ROBO2: variants seen among roughly 807,000 people sequenced by gnomAD.
ROBO2 encodes roundabout homolog 2.
A neutral mutation model predicts 160.8 loss-of-function variants in ROBO2; 53 were observed. The ratio of observed to expected loss-of-function variants is 0.33; its 90% CI spans 0.26 to 0.41. The LOEUF is 0.41. ROBO2 is among the 10% of genes least tolerant of loss of function. The pLI, the probability that ROBO2 is intolerant of heterozygous loss-of-function variation, is 1.00. For missense variants in ROBO2, 1,577 were observed against 1,722.4 expected, an observed-to-expected ratio of 0.92 and a Z score of 1.49; for synonymous variants, 664 against 611.7, an observed-to-expected ratio of 1.09 and a Z score of -1.26.
At chr3:77,121,005 C>T (rs1290442450) in intron 2 of ROBO2, among the ~76,000 whole-genome samples, 5 of 151,946 alleles carry the variant, frequency 3.3e-5, no homozygotes, top group East Asian at 1.9e-4. Context: ...AGTACTGTGG[C>T]GCGATCTGGG....
intron 2 of ROBO2, among the ~76,000 whole-genome samples, chr3:77,407,802 C>T (rs1039187237): frequency 6.6e-6 from 1 of 152,088 alleles, no homozygotes; most frequent in Non-Finnish European, 1.5e-5. Flanking sequence ...TTAAATAGGA[C>T]TTTCCATGGA....
chr3:77,308,464 G>A (rs1168718924), intron 2 of ROBO2, among the ~76,000 whole-genome samples: 10 of 152,260 alleles, frequency 6.6e-5, no homozygotes, highest in South Asian at 4.1e-4. Context: ...GACTCCCAAC[G>A]TTGTGTCAGT....
intron 2 of ROBO2, among the ~76,000 whole-genome samples, chr3:76,453,860 G>T (rs1264040062): frequency 6.6e-6 from 1 of 152,040 alleles, no homozygotes; most frequent in Non-Finnish European, 1.5e-5. Context: ...ATTAAAGCTT[G>T]ATTCCTGAAC....
chr3:77,332,794 CAA>C (rs1242845637), intron 2 of ROBO2, among the ~76,000 whole-genome samples: 1 of 152,008 alleles, frequency 6.6e-6, no homozygotes, highest in Non-Finnish European at 1.5e-5. Flanking sequence ...ATGTATAACA[CAA>C]AATTAATAGC....
At chr3:77,582,783 A>G (rs1260889873) in intron 16 of ROBO2, among the ~76,000 whole-genome samples, 1 of 152,148 alleles carries the variant, frequency 6.6e-6, no homozygotes, top group Non-Finnish European at 1.5e-5. Context: ...AACATCAGTT[A>G]TCTTGCAAAT....
chr3:77,523,830 G>A (rs1469734873), intron 6 of ROBO2, among the ~76,000 whole-genome samples: 1 of 151,290 alleles, frequency 6.6e-6, no homozygotes, highest in Non-Finnish European at 1.5e-5. Context: ...GAGATTGGCT[G>A]CATGTTTTCA....
chr3:76,929,867 GA>G (rs1249749961), intron 2 of ROBO2, among the ~76,000 whole-genome samples: 1 of 152,174 alleles, frequency 6.6e-6, no homozygotes, highest in Non-Finnish European at 1.5e-5. Flanking sequence ...GGATCTCAGG[GA>G]AAAGGCTAAG....
intron 4 of ROBO2, among the ~76,000 whole-genome samples, chr3:77,491,942 T>G (rs925570856): frequency 1.3e-5 from 2 of 152,206 alleles, no homozygotes; most frequent in Admixed American, 6.5e-5. Flanking sequence ...CACATTTGTT[T>G]TATAAATATG....
intron 2 of ROBO2, among the ~76,000 whole-genome samples, chr3:77,212,974 G>T (rs1431191672): frequency 1.3e-5 from 2 of 152,040 alleles, no homozygotes; most frequent in Non-Finnish European, 2.9e-5. Context: ...GGATTCAGTT[G>T]GCCAGTATTT....
At chr3:77,245,261 T>C (rs2089590150) in intron 2 of ROBO2, among the ~76,000 whole-genome samples, 1 of 152,172 alleles carries the variant, frequency 6.6e-6, no homozygotes, top group Non-Finnish European at 1.5e-5. Flanking sequence ...TTTTATTTTA[T>C]TTCCTTTTCA....
chr3:77,042,113 T>C (rs1317668426), intron 1 of ROBO2, among the ~76,000 whole-genome samples: 1 of 152,178 alleles, frequency 6.6e-6, no homozygotes, highest in African/African-American at 2.4e-5. Context: ...AAGTGGCTGT[T>C]TTCAATCATG....
chr3:75,953,011 T>C (rs1304686002), intron 2 of ROBO2, among the ~76,000 whole-genome samples: 1 of 151,958 alleles, frequency 6.6e-6, no homozygotes, highest in East Asian at 1.9e-4. Context: ...ACAGTTTATT[T>C]TTCCATTCAC....
At chr3:76,794,086 A>G (rs1188204485) in intron 2 of ROBO2, among the ~76,000 whole-genome samples, 2 of 151,862 alleles carry the variant, frequency 1.3e-5, no homozygotes, top group East Asian at 3.9e-4. Flanking sequence ...TCTTGTAATG[A>G]TGCTTAAACA....
chr3:76,273,615 C>T (rs537523644), intron 2 of ROBO2, among the ~76,000 whole-genome samples: 21 of 152,200 alleles, frequency 1.4e-4, no homozygotes, highest in African/African-American at 4.8e-4. Context: ...GAAAGCCCCT[C>T]TTAAAACCAT....
intron 2 of ROBO2, among the ~76,000 whole-genome samples, chr3:77,354,309 C>T (rs1191289772): frequency 6.6e-6 from 1 of 152,172 alleles, no homozygotes; most frequent in Non-Finnish European, 1.5e-5. Context: ...CACATCTCTA[C>T]CCTTAGTACA....
intron 2 of ROBO2, among the ~76,000 whole-genome samples, chr3:76,601,051 C>T (rs1009750998): frequency 1.3e-4 from 20 of 152,170 alleles, no homozygotes; most frequent in Non-Finnish European, 2.5e-4. Flanking sequence ...TCCAGCAGGG[C>T]AGTCAAACCT....
At chr3:77,415,326 A>G (rs1379362200) in intron 2 of ROBO2, among the ~76,000 whole-genome samples, 1 of 152,176 alleles carries the variant, frequency 6.6e-6, no homozygotes, top group African/African-American at 2.4e-5. Flanking sequence ...TCTAAGGGGT[A>G]TGAATATTTT....
chr3:77,108,213 T>G (rs909487071), intron 2 of ROBO2, among the ~76,000 whole-genome samples: 6 of 149,274 alleles, frequency 4.0e-5, no homozygotes, highest in African/African-American at 1.5e-4. Flanking sequence ...TGCATATATA[T>G]ATGTATACAC....
chr3:77,295,813 CTAA>C (rs2062020406), intron 2 of ROBO2, among the ~76,000 whole-genome samples: 1 of 146,128 alleles, frequency 6.8e-6, no homozygotes, highest in Non-Finnish European at 1.5e-5. Flanking sequence ...GGCTAGAGCA[CTAA>C]AGACATAAAG....
Sources: allele counts gnomAD v4.1 joint callset (sites outside exome capture counted in the v4.1 genomes callset), GRCh38; gene constraint gnomAD v4.1.1; transcripts MANE v1.5; gene names NCBI Gene and HGNC (gene_info 2026-07-23, HGNC 2026-07-21).